PAX8: variants seen among roughly 807,000 people sequenced by gnomAD.
PAX8 encodes the protein paired box 8, also known as paired box protein Pax-8.
Under a neutral mutation model 52.4 loss-of-function variants are expected in PAX8, and 15 were observed. That is an observed-to-expected ratio of 0.29 (90% confidence interval 0.19 to 0.44). The LOEUF is 0.44. PAX8 is among the 20% of genes least tolerant of loss of function. PAX8 has a pLI of 1.00. For synonymous variants in PAX8, 284 were observed against 249.7 expected, an observed-to-expected ratio of 1.14 and a Z score of -1.29; for missense variants, 554 against 602.5, an observed-to-expected ratio of 0.92 and a Z score of 0.84.
At position 113,216,492 on chromosome 2, in the gene PAX8, G is replaced by C. The variant is rs961613577; in HGVS notation, c.*2041C>G. The C allele has an allele frequency of 1.7e-5, 4 of 230,646 alleles. No homozygotes were observed. The highest frequency in any genetic ancestry group is 3.4e-5 in the Non-Finnish European group (4 of 116,616). 14.3% of individuals were successfully genotyped at this position (230,646 alleles called of 1,614,324 possible). A position where few individuals can be genotyped will look rare whatever the true frequency, so the allele number is the denominator to read the frequency against. On this transcript the variant is annotated 3_prime_UTR_variant, in exon 12 of 12. Transcript: ENST00000429538. Reference sequence around the variant, plus strand: ...CTGGGCATCCCAGCTGCAGGCCCCTGCCCCCTTGTTCCAGCTGTGTCCCAC... The same window carrying C: ...CTGGGCATCCCAGCTGCAGGCCCCTCCCCCCTTGTTCCAGCTGTGTCCCAC...
chr2:113,218,138 A>G lies in PAX8; in HGVS notation c.*395T>C, dbSNP rs1488648355. ...CATAATTGCTAGAGTTGTGTTAATA[A>G]TGGAGCCATGGAGGTGCCCTGTGCA... On this transcript the variant is annotated 3_prime_UTR_variant, in exon 12 of 12. Coordinates refer to ENST00000429538, the MANE Select transcript of PAX8 (RefSeq NM_003466.4). The G allele has an allele frequency of 1.6e-5, 4 of 248,444 alleles. No individual in the cohort carries two copies. Among genetic ancestry groups the G allele is most frequent in the African/African-American group, 8.7e-5 (4 of 45,880 alleles). 15.4% of individuals were successfully genotyped at this position (248,444 alleles called of 1,614,324 possible). A position where few individuals can be genotyped will look rare whatever the true frequency, so the allele number is the denominator to read the frequency against.
chr2:113,225,736 T>C, intron 10 of PAX8: 1 of 196,166 alleles, frequency 5.1e-6, no homozygotes, highest in Non-Finnish European at 9.2e-6. Context: ...GAATGATTCA[T>C]AATTAAGAGA....
chr2:113,254,890 C>T (rs985867255), intron 2 of PAX8, among the ~76,000 whole-genome samples: 1 of 152,126 alleles, frequency 6.6e-6, no homozygotes, highest in Non-Finnish European at 1.5e-5. Context: ...CAGGAAGCTC[C>T]CTCCTACAGA....
intron 2 of PAX8, among the ~76,000 whole-genome samples, chr2:113,257,568 A>G (rs1347213353): frequency 6.6e-6 from 1 of 152,174 alleles, no homozygotes; most frequent in East Asian, 1.9e-4. Context: ...TTCATCCCCA[A>G]TAGTGAGAGG....
intron 2 of PAX8, chr2:113,267,067 G>A (rs1175642245): frequency 6.6e-6 from 1 of 152,272 alleles, no homozygotes; most frequent in Non-Finnish European, 1.5e-5. Context: ...TTAGAGTGTA[G>A]TAGACAGAAC....
chr2:113,262,881 T>G (rs1002616955), intron 2 of PAX8, among the ~76,000 whole-genome samples: 1 of 152,224 alleles, frequency 6.6e-6, no homozygotes, highest in Non-Finnish European at 1.5e-5. Context: ...CACTTTTGGC[T>G]TCCAGAACTG....
intron 7 of PAX8, 55 bp from the exon 8 acceptor site, chr2:113,236,776 T>G: frequency 1.3e-6 from 2 of 1,536,668 alleles, no homozygotes; most frequent in Non-Finnish European, 8.7e-7. Flanking sequence ...CCGACCTTCC[T>G]GCAGACCCTG....
At chr2:113,264,651 G>T (rs554035396) in intron 2 of PAX8, among the ~76,000 whole-genome samples, 1 of 152,316 alleles carries the variant, frequency 6.6e-6, no homozygotes, top group African/African-American at 2.4e-5. Flanking sequence ...TAGCTCAGAG[G>T]CAGGTTGTCA....
intron 2 of PAX8, among the ~76,000 whole-genome samples, chr2:113,276,904 G>C (rs1693857369): frequency 6.6e-6 from 1 of 151,602 alleles, no homozygotes; most frequent in African/African-American, 2.4e-5. Flanking sequence ...TGGGCACCGG[G>C]CACTGCACAT....
intron 9 of PAX8, among the ~76,000 whole-genome samples, chr2:113,228,155 T>C (rs943839520): frequency 1.3e-5 from 2 of 152,136 alleles, no homozygotes; most frequent in African/African-American, 4.8e-5. Context: ...CATCTCCCCA[T>C]CTACTGCATA....
intron 9 of PAX8, among the ~76,000 whole-genome samples, chr2:113,230,930 G>T (rs1456655924): frequency 6.6e-6 from 1 of 152,154 alleles, no homozygotes; most frequent in African/African-American, 2.4e-5. Flanking sequence ...TTGACAGAAA[G>T]CATAGGCCCA....
Position 113,220,187 on chromosome 2 carries a change from G to A in PAX8, c.1190-9C>T. 6.2e-7 allele frequency: 1 copy of A among 1,606,354 alleles called. No homozygotes were observed. On this transcript the variant is annotated splice_polypyrimidine_tract_variant and intron_variant, in intron 10 of 11. Coordinates refer to ENST00000429538, the MANE Select transcript of PAX8 (RefSeq NM_003466.4). ...GCCAGAGTATTCACTTCCTGTTGGA[G>A]GCACACAGGGGAGAGGCCTGTGAGG...
chr2:113,270,002 T>G (rs1693355392), intron 2 of PAX8: 1 of 152,216 alleles, frequency 6.6e-6, no homozygotes, highest in African/African-American at 2.4e-5. Flanking sequence ...AAGGCATCCT[T>G]TTCCATTTCA....
chr2:113,242,257 G>A lies in PAX8; in HGVS notation c.479-127C>T, dbSNP rs188536602. 169 of 736,932 alleles carry A rather than the reference G, an allele frequency of 2.3e-4. 3 individuals are homozygous for A. In the East Asian group the frequency reaches 4.3e-3, roughly 19 times the overall value. The allele number at this position is 736,932 out of a possible 1,614,324, so 45.6% of individuals were successfully genotyped here. On this transcript the variant is annotated intron_variant, in intron 5 of 11. Coordinates refer to ENST00000429538, the MANE Select transcript of PAX8 (RefSeq NM_003466.4). Reference sequence around the variant, plus strand: ...TGGGGGAGAGGGAGAGGAGCAAGGGGTGGGACACCCCTTACAGCCCTGGGG... The same window carrying A: ...TGGGGGAGAGGGAGAGGAGCAAGGGATGGGACACCCCTTACAGCCCTGGGG...
chr2:113,256,520 T>C (rs2104547432), intron 2 of PAX8, among the ~76,000 whole-genome samples: 1 of 152,254 alleles, frequency 6.6e-6, no homozygotes, highest in South Asian at 2.1e-4. Flanking sequence ...TTTAAACTTC[T>C]ACTACTTGCC....
In PAX8 at chr2:113,263,690, G is replaced by T. The variant is rs1362593390; in HGVS notation, c.25+14680C>A. On this transcript the variant is annotated intron_variant, in intron 2 of 11. Transcript: ENST00000429538. ...CCATAGCCAGATGGGAGATCTCTGGGAGGAGGAGGCACAGTGCAAAAAGAA... is the reference window on the plus strand; with the variant it reads ...CCATAGCCAGATGGGAGATCTCTGGTAGGAGGAGGCACAGTGCAAAAAGAA... 2.6e-5 allele frequency among the ~76,000 whole-genome samples: 4 copies of T among 152,140 alleles called. No individual in the cohort carries two copies. In the East Asian group the frequency reaches 7.7e-4, roughly 29 times the overall value.
At chr2:113,246,729 G>A (rs770301581) in intron 3 of PAX8, 25 bp downstream of exon 3, 14 of 1,608,202 alleles carry the variant, frequency 8.7e-6, no homozygotes, top group South Asian at 5.5e-5. Flanking sequence ...CGGGGAAGGC[G>A]GCCTGCGGTG....
intron 2 of PAX8, among the ~76,000 whole-genome samples, chr2:113,251,373 T>C (rs1012566439): frequency 7.2e-6 from 1 of 138,328 alleles, no homozygotes; most frequent in Non-Finnish European, 1.6e-5. Context: ...GGGCGGGAAG[T>C]GGGGTGAGGG....
chr2:113,241,632 G>A lies in PAX8; in HGVS notation c.696C>T (p.His232=). Residue 232 remains histidine (H), a synonymous_variant, in exon 7 of 12, where the codon CAC becomes CAT. Transcript: ENST00000429538. ...CAAATGGGCACTCGAGCGGCTCGAG[G>A]TGGTGCTGGCTGAAGGCATCCGTGC... The part of the protein sequence containing the change: ...HLRTDAFSQH[H]LEPLECPFER... 1 of 1,614,064 alleles carries A rather than the reference G, an allele frequency of 6.2e-7. No homozygotes were observed. The highest frequency in any genetic ancestry group is 8.5e-7 in the Non-Finnish European group (1 of 1,180,016).
Sources: gnomAD v4.1 joint callset for allele counts (sites outside exome capture counted in the v4.1 genomes callset) on GRCh38, gnomAD v4.1.1 for gene constraint, MANE v1.5 for transcripts, NCBI Gene and HGNC (gene_info 2026-07-23, HGNC 2026-07-21) for gene names.